CMPK2: variants seen among roughly 807,000 people sequenced by gnomAD.
The protein encoded by CMPK2 is UMP-CMP kinase 2, mitochondrial.
A neutral mutation model predicts 33.4 loss-of-function variants in CMPK2; 32 were observed. The ratio of observed to expected loss-of-function variants is 0.96; its 90% CI spans 0.72 to 1.29. The LOEUF (loss-of-function observed/expected upper bound fraction) is 1.29, where lower values mean the gene tolerates loss of function less well. Ranked by LOEUF, CMPK2 falls within the 50% of genes most tolerant of loss-of-function variation. CMPK2 has a pLI of 0.00. For missense variants in CMPK2, 672 were observed against 616.0 expected, an observed-to-expected ratio of 1.09 and a Z score of -0.96; for synonymous variants, 299 against 275.3, an observed-to-expected ratio of 1.09 and a Z score of -0.85.
downstream of CMPK2, among the ~76,000 whole-genome samples, chr2:6,844,304 C>T (rs1309325409): frequency 6.6e-6 from 1 of 152,180 alleles, no homozygotes; most frequent in Admixed American, 6.5e-5. Context: ...CTCTAGAGTA[C>T]TATCTGGACC....
Position 6,841,178 on chromosome 2 carries a change from G to A in CMPK2, c.993-500C>T, listed in dbSNP as rs150694968. Among the ~76,000 whole-genome samples the A allele has an allele frequency of 6.0e-4, 91 of 152,232 alleles. 1 individual carries two copies. In the East Asian group the frequency reaches 0.016, roughly 27 times the overall value. ...GAGGTATTTAGGGAGTCCAAAACGAGGAATTATTTCATTGACTAATGCTTT... is the reference window on the plus strand; with the variant it reads ...GAGGTATTTAGGGAGTCCAAAACGAAGAATTATTTCATTGACTAATGCTTT... On this transcript the variant is annotated intron_variant, in intron 3 of 3. Transcript: ENST00000458098.
chr2:6,865,862 T>C lies in CMPK2; in HGVS notation c.-166A>G. On this transcript the variant is annotated 5_prime_UTR_variant, in exon 1 of 5. Transcript: ENST00000256722. The stretch of plus-strand genomic sequence containing the variant: ...GGAGGCCCAGGCGGGGCAGGAGCCC[T>C]GGGGCTGGGGCGCCCTTCCGGCCTC... 7.5e-7 allele frequency: 1 copy of C among 1,341,142 alleles called. No homozygotes were observed. Among genetic ancestry groups the C allele is most frequent in the Non-Finnish European group, 9.5e-7 (1 of 1,049,476 alleles). The allele number at this position is 1,341,142 out of a possible 1,614,324, so 83.1% of individuals were successfully genotyped here.
In CMPK2 at chr2:6,849,649, G is replaced by C. The variant is rs1038894958; in HGVS notation, c.*201C>G. ...CGCTGGCCTCTCACTGGAACATGATGAGAGGGACCTTTGTGATGACGGGTC... is the reference window on the plus strand; with the variant it reads ...CGCTGGCCTCTCACTGGAACATGATCAGAGGGACCTTTGTGATGACGGGTC... On this transcript the variant is annotated 3_prime_UTR_variant, in exon 5 of 5. Transcript: ENST00000256722. The C allele has an allele frequency of 2.9e-5, 41 of 1,406,806 alleles. No homozygotes were observed. The highest frequency in any genetic ancestry group is 3.6e-5 in the Non-Finnish European group (39 of 1,087,872). The allele number at this position is 1,406,806 out of a possible 1,614,324, so 87.1% of individuals were successfully genotyped here.
chr2:6,849,258 T>C lies in CMPK2; in HGVS notation c.*592A>G, dbSNP rs574741711. The C allele has an allele frequency of 2.0e-6, 2 of 985,450 alleles. No homozygotes were observed. The highest frequency in any genetic ancestry group is 1.1e-4 in the East Asian group (1 of 8,816). The allele number at this position is 985,450 out of a possible 1,614,324, so 61.0% of individuals were successfully genotyped here. ...GAGCCTCAGACACAAGATCAATGCC[T>C]TCTTTGTAAGTGTTCCTTACCCAAA... On this transcript the variant is annotated 3_prime_UTR_variant, in exon 5 of 5. Coordinates refer to ENST00000256722, the MANE Select transcript of CMPK2 (RefSeq NM_207315.4).
upstream of CMPK2, among the ~76,000 whole-genome samples, chr2:6,866,203 G>A (rs1663086009): frequency 6.6e-6 from 1 of 152,248 alleles, no homozygotes; most frequent in Non-Finnish European, 1.5e-5. Flanking sequence ...ACGCCCACTT[G>A]CAGGCGCACT....
chr2:6,866,286 C>T, upstream of CMPK2: 1 of 316,268 alleles, frequency 3.2e-6, no homozygotes, highest in South Asian at 1.1e-4. Flanking sequence ...TAGCTCTGAC[C>T]ACGCGTCCCC....
rs1662445010 is a variant in CMPK2, at chr2:6,849,408, GT to G, written c.*441del. 1 of 991,038 alleles carries G rather than the reference GT, an allele frequency of 1.0e-6. No homozygotes were observed. The highest frequency in any genetic ancestry group is 4.6e-5 in the South Asian group (1 of 21,932). 61.4% of individuals were successfully genotyped at this position (991,038 alleles called of 1,614,324 possible). A position where few individuals can be genotyped will look rare whatever the true frequency, so the allele number is the denominator to read the frequency against. ...CCCATCATGACGAGTGCAACCAGAT[GT>G]GGAAGAAGCCAATGTGGGCATGTCA... On this transcript the variant is annotated 3_prime_UTR_variant, in exon 5 of 5. Coordinates refer to ENST00000256722, the MANE Select transcript of CMPK2 (RefSeq NM_207315.4).
intron 1 of CMPK2, among the ~76,000 whole-genome samples, chr2:6,863,835 T>C (rs1433117685): frequency 6.6e-6 from 1 of 152,200 alleles, no homozygotes; most frequent in Non-Finnish European, 1.5e-5. Flanking sequence ...TGAGCAGCTT[T>C]GAGAAAGGCC....
At chr2:6,853,370 G>T (rs1662583071) in intron 3 of CMPK2, among the ~76,000 whole-genome samples, 1 of 152,018 alleles carries the variant, frequency 6.6e-6, no homozygotes, top group South Asian at 2.1e-4. Flanking sequence ...ACATTATTCT[G>T]CCTGTGTCCC....
rs1662447845 is a variant in CMPK2 at position 6,849,470 on chromosome 2, G to A, written c.*380C>T. On this transcript the variant is annotated 3_prime_UTR_variant, in exon 5 of 5. Transcript: ENST00000256722. ...AGCATGCCAGTGTAGGAGAAGCAGAGGCTCCGGGGTCTCCCTGCTGATCTG... is the reference window on the plus strand; with the variant it reads ...AGCATGCCAGTGTAGGAGAAGCAGAAGCTCCGGGGTCTCCCTGCTGATCTG... 2.0e-6 allele frequency: 2 copies of A among 1,017,854 alleles called. No individual in the cohort carries two copies. Among genetic ancestry groups the A allele is most frequent in the African/African-American group, 1.7e-5 (1 of 57,596 alleles). 63.1% of individuals were successfully genotyped at this position (1,017,854 alleles called of 1,614,324 possible).
downstream of CMPK2, among the ~76,000 whole-genome samples, chr2:6,844,857 T>C (rs1253556653): frequency 6.6e-6 from 1 of 152,192 alleles, no homozygotes; most frequent in African/African-American, 2.4e-5. Context: ...TCTATACATC[T>C]ATTAGGGTCA....
rs867330097 is a variant in CMPK2, at chr2:6,848,780, C to T, written c.*1070G>A. On this transcript the variant is annotated 3_prime_UTR_variant, in exon 5 of 5. Coordinates refer to ENST00000256722, the MANE Select transcript of CMPK2 (RefSeq NM_207315.4). The stretch of plus-strand genomic sequence containing the variant: ...TAAAGTCACACAGCTCTATAATTTC[C>T]CCCTCACTCAGCTACTTTTTTCTGT... The T allele has an allele frequency of 2.0e-6, 2 of 985,498 alleles. No homozygotes were observed. Among genetic ancestry groups the T allele is most frequent in the Non-Finnish European group, 2.4e-6 (2 of 829,824 alleles). 61.0% of individuals were successfully genotyped at this position (985,498 alleles called of 1,614,324 possible).
rs774163844 is a variant in CMPK2 at position 6,865,317 on chromosome 2, GC to G, written c.379del (p.Ala127HisfsTer142). ...GTCGCGCAGCAGGAAGCCTTGCTGTGCGCCGCCGGCCTGGCCGCCCGGGCAG... is the reference window on the plus strand; with the variant it reads ...GTCGCGCAGCAGGAAGCCTTGCTGTGGCCGCCGGCCTGGCCGCCCGGGCAG... ...CYCPGGQAGG[A>X]QQGFLLRDPL... On this transcript the variant is annotated frameshift_variant, in exon 1 of 5. Transcript: ENST00000256722. LOFTEE classifies it high-confidence loss of function. The G allele has an allele frequency of 6.7e-6, 10 of 1,503,270 alleles. No homozygotes were observed. Among genetic ancestry groups the G allele is most frequent in the Non-Finnish European group, 7.9e-6 (9 of 1,134,054 alleles). 93.1% of individuals were successfully genotyped at this position (1,503,270 alleles called of 1,614,324 possible). A position where few individuals can be genotyped will look rare whatever the true frequency, so the allele number is the denominator to read the frequency against.
At chr2:6,852,629 C>T (rs1040909322) in intron 3 of CMPK2, among the ~76,000 whole-genome samples, 4 of 152,202 alleles carry the variant, frequency 2.6e-5, no homozygotes, top group Admixed American at 2.6e-4. Context: ...AGTGTAATAT[C>T]TATTGTCTCC....
intron 3 of CMPK2, among the ~76,000 whole-genome samples, chr2:6,858,295 G>A (rs535289052): frequency 8.6e-5 from 13 of 151,670 alleles, no homozygotes; most frequent in East Asian, 3.9e-4. Flanking sequence ...AGGGTTAGCC[G>A]TTTTTTAGCA....
chr2:6,853,016 C>T (rs1351184630), intron 3 of CMPK2, among the ~76,000 whole-genome samples: 1 of 152,212 alleles, frequency 6.6e-6, no homozygotes, highest in South Asian at 2.1e-4. Context: ...GTGGCACGAT[C>T]TCAGCTCACT....
At chr2:6,848,245 A>G (rs1331568410), downstream of CMPK2, 1 of 664,360 alleles carries the variant, frequency 1.5e-6, no homozygotes, top group Non-Finnish European at 1.9e-6. Context: ...CCTCCTTTAC[A>G]TCACAATATT....
chr2:6,865,022 C>T lies in CMPK2; in HGVS notation c.675G>A (p.Glu225=). 7.0e-7 allele frequency: 1 copy of T among 1,424,588 alleles called. No individual in the cohort carries two copies. The highest frequency in any genetic ancestry group is 9.2e-7 in the Non-Finnish European group (1 of 1,086,756). The allele number at this position is 1,424,588 out of a possible 1,614,324, so 88.2% of individuals were successfully genotyped here. ...DREAARAVLE[E]CTSFIPEARA... ...AGCTGGAAGCGGACAGAACTCTTAC[C>T]TCCTCCAAAACGGCCCGGGCGGCTT... The change falls in exon 1 of 5, where the codon GAG becomes GAA. Residue 225 remains glutamate (E), a splice_region_variant and synonymous_variant. Transcript: ENST00000256722.
intron 3 of CMPK2, among the ~76,000 whole-genome samples, chr2:6,856,469 C>T (rs1395105411): frequency 6.6e-6 from 1 of 152,134 alleles, no homozygotes; most frequent in Non-Finnish European, 1.5e-5. Context: ...GGTGACTTGA[C>T]TGTGTTCACT....
Sources: gnomAD v4.1 joint callset for allele counts (sites outside exome capture counted in the v4.1 genomes callset) on GRCh38, gnomAD v4.1.1 for gene constraint, MANE v1.5 for transcripts, NCBI Gene and HGNC (gene_info 2026-07-23, HGNC 2026-07-21) for gene names.